The following CES5A variants were observed in gnomAD, a reference collection of about 807,000 sequenced individuals.
CES5A encodes the protein carboxylesterase 5A.
A neutral mutation model predicts 62.9 loss-of-function variants in CES5A; 67 were observed. That is an observed-to-expected ratio of 1.07 (90% CI 0.88 to 1.31). The LOEUF is 1.31. Among genes scored for constraint, CES5A ranks in the 50% most tolerant of loss-of-function variants. CES5A has a pLI of 0.00. For synonymous variants in CES5A, 296 were observed against 280.8 expected (o/e 1.05, Z -0.54); for missense variants, 748 against 708.5 (o/e 1.06, Z -0.63).
chr16:55,873,839 G>T lies in CES5A; in HGVS notation c.272C>A (p.Pro91His). Residue 91 changes from proline to histidine, a missense_variant, in exon 2 of 13, where the codon CCT becomes CAT. Pro to His is a moderately conservative substitution (Grantham distance 77). Coordinates refer to ENST00000290567, the MANE Select transcript of CES5A (RefSeq NM_001143685.2). ...GGCCCGAACCTGGTCTTACAAATTA[G>T]GGTAGGAGGTGGCTTCTCGCAAGTT... ...WDNLREATSYPNLCLQNSEWL... is the reference protein window; with the variant it reads ...WDNLREATSYHNLCLQNSEWL... 1.9e-6 allele frequency: 3 copies of T among 1,612,452 alleles called. No homozygotes were observed. Among genetic ancestry groups the T allele is most frequent in the Non-Finnish European group, 2.5e-6 (3 of 1,179,294 alleles).
intron 2 of CES5A, among the ~76,000 whole-genome samples, chr16:55,932,690 A>C (rs1053328939): frequency 6.6e-6 from 1 of 152,190 alleles, no homozygotes; most frequent in South Asian, 2.1e-4. Context: ...GGAAATGCAC[A>C]GGCAAAGACC....
At chr16:55,911,767 G>A (rs2034095364) in intron 1 of CES5A, among the ~76,000 whole-genome samples, 1 of 152,152 alleles carries the variant, frequency 6.6e-6, no homozygotes, top group South Asian at 2.1e-4. Flanking sequence ...AACTCACATA[G>A]AGAGCAAAAC....
At chr16:55,856,794 T>A (rs1360686539) in intron 8 of CES5A, among the ~76,000 whole-genome samples, 1 of 152,146 alleles carries the variant, frequency 6.6e-6, no homozygotes, top group African/African-American at 2.4e-5. Flanking sequence ...AGTTAGTACT[T>A]TTAGAGGGGT....
chr16:55,852,647 C>G (rs1187009483), intron 10 of CES5A, among the ~76,000 whole-genome samples: 1 of 152,160 alleles, frequency 6.6e-6, no homozygotes, highest in Non-Finnish European at 1.5e-5. Flanking sequence ...GAATTTTATA[C>G]ATGGTCCTGA....
upstream of CES5A, among the ~76,000 whole-genome samples, chr16:55,926,602 C>A (rs1475493510): frequency 6.6e-6 from 1 of 152,020 alleles, no homozygotes; most frequent in Non-Finnish European, 1.5e-5. Context: ...AAGGTGAATG[C>A]CTAATGGTTT....
At chr16:55,894,444 G>T (rs190159979) in intron 1 of CES5A, among the ~76,000 whole-genome samples, 33 of 143,106 alleles carry the variant, frequency 2.3e-4, no homozygotes, top group Non-Finnish European at 4.8e-4. Flanking sequence ...GGAAGCAGAG[G>T]TTGCAGATTC....
intron 3 of CES5A, among the ~76,000 whole-genome samples, chr16:55,870,623 G>A (rs535661919): frequency 4.7e-4 from 72 of 151,750 alleles, no homozygotes; most frequent in African/African-American, 1.5e-3. Flanking sequence ...CCTTGAGCCC[G>A]GATGGCAAAG....
At chr16:55,887,278 C>T (rs2033826508) in intron 1 of CES5A, among the ~76,000 whole-genome samples, 1 of 151,290 alleles carries the variant, frequency 6.6e-6, no homozygotes, top group Non-Finnish European at 1.5e-5. Flanking sequence ...GGGATGCTTC[C>T]ACGGGTCAAC....
intron 1 of CES5A, among the ~76,000 whole-genome samples, chr16:55,917,004 T>C (rs2397966): frequency 0.22 from 34,082 of 152,130 alleles, 5,048 homozygotes; most frequent in Non-Finnish European, 0.33. Context: ...CTTCTGCTCT[T>C]CCTCCTTCCA....
At chr16:55,906,968 G>T (rs1426090615) in intron 1 of CES5A, among the ~76,000 whole-genome samples, 9 of 152,190 alleles carry the variant, frequency 5.9e-5, no homozygotes, top group Non-Finnish European at 1.3e-4. Context: ...GAAATGGAGA[G>T]GAATAGTCTC....
chr16:55,854,544 C>CTTTTTCTTTTT (rs1555479346), intron 9 of CES5A, among the ~76,000 whole-genome samples: 1 of 64,424 alleles, frequency 1.6e-5, no homozygotes, highest in Non-Finnish European at 2.6e-5. Flanking sequence ...TTTTTTTTTT[C>CTTTTTCTTTTT]TTTTTTTTTT....
chr16:55,849,603 G>A (rs7498560), intron 11 of CES5A, 21 bp downstream of exon 11: 54,809 of 1,612,770 alleles, frequency 0.034, 1,064 homozygotes, highest in East Asian at 0.076. Context: ...TGTGAACTGT[G>A]GGAAGTGGCC....
chr16:55,876,812 G>A (rs978113902), upstream of CES5A, among the ~76,000 whole-genome samples: 1 of 152,170 alleles, frequency 6.6e-6, no homozygotes, highest in Non-Finnish European at 1.5e-5. Flanking sequence ...AGACATCACC[G>A]TGTGGCTTCG....
At chr16:55,863,945 C>T (rs1324848385) in intron 5 of CES5A, among the ~76,000 whole-genome samples, 1 of 151,856 alleles carries the variant, frequency 6.6e-6, no homozygotes, top group South Asian at 2.1e-4. Flanking sequence ...TTAGCAGAGA[C>T]GGGATTTCAC....
At chr16:55,870,243 G>A (rs1395781141) in intron 3 of CES5A, among the ~76,000 whole-genome samples, 1 of 151,612 alleles carries the variant, frequency 6.6e-6, no homozygotes, top group South Asian at 2.1e-4. Flanking sequence ...TCTACCTTCA[G>A]AAAGAAGAGA....
chr16:55,892,755 T>G (rs2033894283), intron 1 of CES5A, among the ~76,000 whole-genome samples: 1 of 151,490 alleles, frequency 6.6e-6, no homozygotes, highest in Admixed American at 6.6e-5. Flanking sequence ...CTTCTAAAAA[T>G]TATATATATA....
At position 55,849,787 on chromosome 16, in the gene CES5A, A is replaced by G. The variant is rs2033092006; in HGVS notation, c.1274-14T>C. 3 of 1,612,836 alleles carry G rather than the reference A, an allele frequency of 1.9e-6. No homozygotes were observed. Among genetic ancestry groups the G allele is most frequent in the Non-Finnish European group, 1.7e-6 (2 of 1,179,576 alleles). On this transcript the variant is annotated splice_polypyrimidine_tract_variant and intron_variant, in intron 10 of 12. Coordinates refer to ENST00000290567, the MANE Select transcript of CES5A (RefSeq NM_001143685.2). ...GTGCACCAGCATCTGACAAAAGGTC[A>G]GGGAAGGTCAGGCATGCATGCAGCG...
chr16:55,855,742 G>A (rs2033228556), intron 9 of CES5A, among the ~76,000 whole-genome samples: 1 of 152,184 alleles, frequency 6.6e-6, no homozygotes, highest in Non-Finnish European at 1.5e-5. Context: ...TCGGCTGCTG[G>A]GTGGGTTACA....
rs528597955 is a variant in CES5A at position 55,889,966 on chromosome 16, C to T, written c.-255-15929G>A. Among the ~76,000 whole-genome samples the T allele has an allele frequency of 3.3e-5, 5 of 152,290 alleles. No homozygotes were observed. In the East Asian group the frequency reaches 9.6e-4, roughly 29 times the overall value. ...CAGTGGGCTAGTCTTAAAATAGAAGCTTCTTAGAGCCTCTCACTCAGCTGG... is the reference window on the plus strand; with the variant it reads ...CAGTGGGCTAGTCTTAAAATAGAAGTTTCTTAGAGCCTCTCACTCAGCTGG... On this transcript the variant is annotated intron_variant, in intron 1 of 12. Coordinates refer to the CES5A transcript ENST00000518005.
Sources: gnomAD v4.1 joint callset for allele counts (sites outside exome capture counted in the v4.1 genomes callset) on GRCh38, gnomAD v4.1.1 for gene constraint, MANE v1.5 for transcripts, NCBI Gene and HGNC (gene_info 2026-07-23, HGNC 2026-07-21) for gene names.